RRBP1: variants seen among roughly 807,000 people sequenced by gnomAD.
RRBP1 encodes the protein ribosome binding protein 1, also known as ribosome-binding protein 1.
A neutral mutation model predicts 165.2 loss-of-function variants in RRBP1; 94 were observed. The observed-to-expected ratio is 0.57, with a 90% CI of 0.48 to 0.68. The LOEUF is 0.68. Ranked by LOEUF, RRBP1 falls within the 30% of genes least tolerant of loss-of-function variation. RRBP1 has a pLI of 0.00. For synonymous variants in RRBP1, 680 were observed against 714.5 expected, an observed-to-expected ratio of 0.95 and a Z score of 0.77; for missense variants, 1,676 against 1,763.0, an observed-to-expected ratio of 0.95 and a Z score of 0.88.
chr20:17,615,606 C>T (rs1025183888), intron 22 of RRBP1, 77 bp from the exon 23 acceptor site: 3 of 1,278,198 alleles, frequency 2.3e-6, no homozygotes, highest in Non-Finnish European at 3.2e-6. Flanking sequence ...CCGAGCACGC[C>T]TGGGGACCAG....
In RRBP1 at chr20:17,658,714, T is replaced by C. The variant is rs984828719; in HGVS notation, c.1794A>G (p.Lys598=). Residue 598 remains lysine, a synonymous_variant, in exon 3 of 25, where the codon AAA becomes AAG. Transcript: ENST00000377813. ...KKADAAANQG[K]KTESASVQGR... is the part of the protein sequence containing the mutation. ...CCTGGACAGAAGCTGACTCTGTCTT[T>C]TTACCCTGATTGGCAGCTGCGTCTG... is the stretch of plus-strand genomic sequence containing the variant. The C allele has an allele frequency of 6.2e-7, 1 of 1,614,124 alleles. No individual in the cohort carries two copies. The highest frequency in any genetic ancestry group is 1.3e-5 in the African/African-American group (1 of 74,946).
chr20:17,619,261 G>T, intron 19 of RRBP1: 1 of 203,876 alleles, frequency 4.9e-6, no homozygotes, highest in Non-Finnish European at 9.8e-6. Context: ...CTGGGCTTGT[G>T]CTTCTGCTTC....
intron 3 of RRBP1, among the ~76,000 whole-genome samples, chr20:17,646,204 G>A (rs2036459062): frequency 2.0e-5 from 3 of 152,214 alleles, no homozygotes; most frequent in Admixed American, 6.5e-5. Context: ...GGGGGAATCT[G>A]AGCCAGAACC....
intron 5 of RRBP1, among the ~76,000 whole-genome samples, chr20:17,637,718 G>A (rs1421364254): frequency 1.3e-5 from 2 of 152,198 alleles, no homozygotes; most frequent in Non-Finnish European, 2.9e-5. Context: ...TGCTGGTGCT[G>A]TTCCGTGCTC....
intron 3 of RRBP1, among the ~76,000 whole-genome samples, chr20:17,646,652 C>G (rs1003380336): frequency 6.6e-6 from 1 of 152,200 alleles, no homozygotes; most frequent in African/African-American, 2.4e-5. Flanking sequence ...TCAAGCAGCT[C>G]ACAGCAGCTC....
rs1252915620 is a variant in RRBP1 at position 17,660,394 on chromosome 20, A to C, written c.114T>G (p.Tyr38Ter). 2.5e-6 allele frequency: 4 copies of C among 1,614,112 alleles called. No homozygotes were observed. Among genetic ancestry groups the C allele is most frequent in the Non-Finnish European group, 3.4e-6 (4 of 1,180,024 alleles). ...VSTFSMKETSYEEALANQRKE... is the reference protein window; with the variant it reads ...VSTFSMKETS ...TGCGCTGGTTGGCTAGGGCTTCTTC[A>C]TATGACGTTTCCTTCATGGAGAAAG... Residue 38 changes from tyrosine to a stop codon, truncating the protein, a stop_gained, in exon 3 of 25, where the codon TAT (tyrosine) becomes TAG (stop). Transcript: ENST00000377813. LOFTEE classifies it high-confidence loss of function.
rs369172538 is a variant in RRBP1, at chr20:17,658,663, G to A, written c.1845C>T (p.Ser615=). The A allele has an allele frequency of 1.1e-5, 18 of 1,614,172 alleles. No homozygotes were observed. The highest frequency in any genetic ancestry group is 1.5e-5 in the Non-Finnish European group (18 of 1,180,048). The change falls in exon 3 of 25, where the codon AGC becomes AGT. Residue 615 remains serine, a synonymous_variant. Transcript: ENST00000377813. ...VQGRNTDVAQ[S]PEAPKQEAPA... is the part of the protein sequence containing the mutation. The stretch of plus-strand genomic sequence containing the variant: ...GAGCCTCTTGCTTTGGTGCCTCTGG[G>A]CTCTGGGCCACATCTGTATTTCTGC...
chr20:17,627,440 C>G, intron 10 of RRBP1, 58 bp from the exon 11 acceptor site: 1 of 1,610,486 alleles, frequency 6.2e-7, no homozygotes, highest in East Asian at 2.2e-5. Context: ...CGCAGCGGGG[C>G]TAGTCCACCC....
intron 9 of RRBP1, among the ~76,000 whole-genome samples, chr20:17,628,011 T>G (rs745306905): frequency 4.3e-4 from 65 of 152,192 alleles, no homozygotes; most frequent in Non-Finnish European, 7.1e-4. Flanking sequence ...TTTTTCTTAC[T>G]GAGACCAGAA....
Position 17,620,778 on chromosome 20 carries a change from G to T in RRBP1, c.3444C>A (p.Ser1148Arg). ...TEGMLRDLQK[S>R]VEEEEQVWRA... ...TCCACACCTGCTCCTCCTCCTCCAC[G>T]CTCTTCTGCAGGTCTCTGAGCATGC... Residue 1148 changes from serine to arginine, a missense_variant, in exon 17 of 25, where the codon AGC (serine) becomes AGA (arginine). Transcript: ENST00000377813. The T allele has an allele frequency of 6.2e-7, 1 of 1,608,682 alleles. No homozygotes were observed.
chr20:17,665,276 AT>A (rs2036848774), intron 2 of RRBP1, among the ~76,000 whole-genome samples: 1 of 152,200 alleles, frequency 6.6e-6, no homozygotes. Flanking sequence ...TGTGTTGGTA[AT>A]TGCTGTGTAA....
chr20:17,624,520 T>C, intron 13 of RRBP1, 56 bp downstream of exon 13: 1 of 1,183,378 alleles, frequency 8.5e-7, no homozygotes, highest in East Asian at 2.5e-5. Context: ...CTTAGTGCAT[T>C]TGTGCATCCT....
rs750021100 is a variant in RRBP1, at chr20:17,616,024, C to A, written c.3868-15G>T. The A allele has an allele frequency of 4.4e-6, 7 of 1,601,356 alleles. No individual in the cohort carries two copies. The highest frequency in any genetic ancestry group is 5.1e-6 in the Non-Finnish European group (6 of 1,178,518). On this transcript the variant is annotated splice_polypyrimidine_tract_variant and intron_variant, in intron 21 of 24. Transcript: ENST00000377813. ...TGCGTCTTCAGCTGTGCAAACACCGCAAACATAACCCGGCAGCCCGGTGAG... is the reference window on the plus strand; with the variant it reads ...TGCGTCTTCAGCTGTGCAAACACCGAAAACATAACCCGGCAGCCCGGTGAG...
At position 17,615,536 on chromosome 20, in the gene RRBP1, GGA is replaced by G; in HGVS notation, c.3952-9_3952-8del. The stretch of plus-strand genomic sequence containing the variant: ...GACATGCCGAGGTCTGAGCCTTGCC[GGA>G]GAGGGAAGTGAGGTCTGGGTGAGAC... On this transcript the variant is annotated splice_region_variant and splice_polypyrimidine_tract_variant and intron_variant, in intron 22 of 24. Transcript: ENST00000377813. 1.3e-6 allele frequency: 2 copies of G among 1,598,356 alleles called. No individual in the cohort carries two copies. Among genetic ancestry groups the G allele is most frequent in the Non-Finnish European group, 1.7e-6 (2 of 1,174,230 alleles).
intron 3 of RRBP1, among the ~76,000 whole-genome samples, chr20:17,646,094 CTG>C (rs1416705280): frequency 6.6e-6 from 1 of 152,174 alleles, no homozygotes; most frequent in African/African-American, 2.4e-5. Flanking sequence ...GGGACAGGTA[CTG>C]TGACAAATAA....
chr20:17,627,426 C>G (rs776077539), intron 10 of RRBP1, 44 bp from the exon 11 acceptor site: 2 of 1,612,922 alleles, frequency 1.2e-6, no homozygotes, highest in South Asian at 2.2e-5. Flanking sequence ...GGAGACTCAT[C>G]TCACGCAGCG....
intron 16 of RRBP1, 104 bp from the exon 17 acceptor site, chr20:17,620,911 C>T: frequency 1.2e-6 from 1 of 807,088 alleles, no homozygotes; most frequent in Non-Finnish European, 2.0e-6. Context: ...CCGTGCTCCG[C>T]CTGCTGACTT....
chr20:17,620,547 T>A, intron 17 of RRBP1, 168 bp downstream of exon 17: 1 of 808,424 alleles, frequency 1.2e-6, no homozygotes, highest in Non-Finnish European at 2.1e-6. Context: ...GGCGGGGGCC[T>A]CCTGGAGGAC....
In RRBP1 at chr20:17,636,574, C is replaced by T; in HGVS notation, c.2337+3G>A. 6.2e-7 allele frequency: 1 copy of T among 1,610,974 alleles called. No individual in the cohort carries two copies. Among genetic ancestry groups the T allele is most frequent in the Non-Finnish European group, 8.5e-7 (1 of 1,179,892 alleles). ...CCATGCCCCCGCCAGCCACTACACC[C>T]ACCTTGCCCTGCAGCTGCTGCACCT... is the stretch of plus-strand genomic sequence containing the variant. On this transcript the variant is annotated splice_donor_region_variant and intron_variant, in intron 6 of 24. Coordinates refer to ENST00000377813, the MANE Select transcript of RRBP1 (RefSeq NM_001365613.2).
Sources: gnomAD v4.1 joint callset for allele counts (sites outside exome capture counted in the v4.1 genomes callset) on GRCh38, gnomAD v4.1.1 for gene constraint, MANE v1.5 for transcripts, NCBI Gene and HGNC (gene_info 2026-07-23, HGNC 2026-07-21) for gene names.